ABCB1: variants seen among roughly 807,000 people sequenced by gnomAD.
ABCB1 encodes the protein ATP-dependent translocase ABCB1.
A neutral mutation model predicts 142.0 loss-of-function variants in ABCB1; 69 were observed. The observed-to-expected ratio is 0.49, with a 90% CI of 0.40 to 0.59. The LOEUF (loss-of-function observed/expected upper bound fraction) is 0.59, where lower values mean the gene tolerates loss of function less well. Ranked by LOEUF, ABCB1 falls within the 20% of genes least tolerant of loss-of-function variation. The probability of loss-of-function intolerance (pLI) is 0.00; values close to 1 mark genes in which losing one functional copy is unlikely to be tolerated. For missense variants in ABCB1, 1,326 were observed against 1,554.7 expected (o/e 0.85, Z 2.47); for synonymous variants, 532 against 539.2 (o/e 0.99, Z 0.18).
chr7:87,628,963 G>T (rs2130165952), intron 1 of ABCB1: 1 of 1,308,062 alleles, frequency 7.6e-7, no homozygotes, highest in African/African-American at 1.5e-5. Flanking sequence ...AGCGCAGGGC[G>T]AGGGGAACCA....
chr7:87,653,492 A>G (rs1469369859), intron 1 of ABCB1, among the ~76,000 whole-genome samples: 6 of 152,060 alleles, frequency 3.9e-5, no homozygotes, highest in African/African-American at 1.4e-4. Flanking sequence ...AATCTACTCA[A>G]CAGTATTTCT....
chr7:87,514,690 A>C (rs1454031253), intron 25 of ABCB1, among the ~76,000 whole-genome samples: 1 of 152,012 alleles, frequency 6.6e-6, no homozygotes, highest in South Asian at 2.1e-4. Flanking sequence ...GCTCACTTAC[A>C]TCTCCATTTC....
chr7:87,526,210 A>C (rs1815778482), intron 21 of ABCB1, among the ~76,000 whole-genome samples: 1 of 142,124 alleles, frequency 7.0e-6, no homozygotes, highest in Non-Finnish European at 1.5e-5. Flanking sequence ...GGTTTCCTTG[A>C]TTGGCTCTGT....
intron 1 of ABCB1, among the ~76,000 whole-genome samples, chr7:87,686,865 A>T (rs1827514563): frequency 6.6e-6 from 1 of 151,248 alleles, no homozygotes; most frequent in African/African-American, 2.4e-5. Context: ...GGGTCACCTG[A>T]GCCCAAGGAG....
intron 1 of ABCB1, chr7:87,709,450 T>G: frequency 1.0e-6 from 1 of 985,396 alleles, no homozygotes; most frequent in Non-Finnish European, 1.2e-6. Flanking sequence ...TCCCCTAGGC[T>G]TACTCAGAAG....
At chr7:87,521,450 C>A (rs1242958914) in intron 21 of ABCB1, 1 of 705,388 alleles carries the variant, frequency 1.4e-6, no homozygotes, top group Non-Finnish European at 2.6e-6. Flanking sequence ...GTCTCTCTTT[C>A]CCCTGCCGTC....
intron 4 of ABCB1, among the ~76,000 whole-genome samples, chr7:87,579,498 T>A (rs1818418206): frequency 6.6e-6 from 1 of 152,250 alleles, no homozygotes; most frequent in Non-Finnish European, 1.5e-5. Context: ...TCTGTTGATA[T>A]GACATATCAC....
chr7:87,587,106 C>T lies in ABCB1; in HGVS notation c.118-1426G>A, dbSNP rs28381819. ...TATTTTTTCATATTTCATTGAAACA[C>T]TGGCTAAATTTTGCACTATGTACTT... On this transcript the variant is annotated intron_variant, in intron 3 of 27. Coordinates refer to ENST00000622132, the MANE Select transcript of ABCB1 (RefSeq NM_001348946.2). 4.8e-3 allele frequency among the ~76,000 whole-genome samples: 727 copies of T among 152,272 alleles called. 4 individuals are homozygous for T. The highest frequency in any genetic ancestry group is 0.017 in the African/African-American group (686 of 41,568).
At chr7:87,684,746 C>CAAAAAAAAAAAAAAAAAAAA (rs71524694) in intron 1 of ABCB1, among the ~76,000 whole-genome samples, 7 of 37,782 alleles carry the variant, frequency 1.9e-4, no homozygotes, top group Admixed American at 4.1e-4. Flanking sequence ...GACTCCGTCT[C>CAAAAAAAAAAAAAAAAAAAA]AAAAAAAAAA....
In ABCB1 at chr7:87,550,473, C is replaced by A. The variant is rs140214314; in HGVS notation, c.1219G>T (p.Val407Phe). Residue 407 changes from valine (V) to phenylalanine (F), a missense_variant, in exon 11 of 28, where the codon GTT becomes TTT. Coordinates refer to ENST00000622132, the MANE Select transcript of ABCB1 (RefSeq NM_001348946.2). ...VHFSYPSRKE[V>F]KILKGLNLKV... ...TTAATCATTTATCACTGTACCTTAA[C>A]TTCTTTTCGAGATGGGTAACTGAAG... 530 of 1,612,240 alleles carry A rather than the reference C, an allele frequency of 3.3e-4. No individual in the cohort carries two copies. The highest frequency in any genetic ancestry group is 4.2e-4 in the Non-Finnish European group (494 of 1,179,448).
intron 21 of ABCB1, among the ~76,000 whole-genome samples, chr7:87,522,621 T>A (rs1815564121): frequency 6.6e-6 from 1 of 152,216 alleles, no homozygotes; most frequent in South Asian, 2.1e-4. Flanking sequence ...TAACAGATTC[T>A]TTTAGTTTCT....
intron 1 of ABCB1, among the ~76,000 whole-genome samples, chr7:87,692,458 TAAAC>T (rs770322337): frequency 3.9e-5 from 6 of 152,180 alleles, no homozygotes; most frequent in Admixed American, 2.0e-4. Context: ...ACCTGTCTCT[TAAAC>T]AATCAAACAC....
intron 9 of ABCB1, among the ~76,000 whole-genome samples, chr7:87,553,520 C>G (rs942302870): frequency 1.3e-5 from 2 of 151,972 alleles, no homozygotes; most frequent in Non-Finnish European, 2.9e-5. Flanking sequence ...CGGGGTTTCA[C>G]CATGTTAGCC....
intron 1 of ABCB1, among the ~76,000 whole-genome samples, chr7:87,610,110 C>A (rs1267001064): frequency 1.3e-5 from 2 of 152,000 alleles, no homozygotes; most frequent in African/African-American, 4.8e-5. Flanking sequence ...GTAATTCTGC[C>A]AAATATTTGA....
At chr7:87,626,324 T>TATATATCTGTC (rs1820525801) in intron 1 of ABCB1, among the ~76,000 whole-genome samples, 3 of 35,454 alleles carry the variant, frequency 8.5e-5, no homozygotes, top group Admixed American at 3.8e-4. Flanking sequence ...ATATGTGTCA[T>TATATATCTGTC]ATATATGTGT....
Position 87,680,012 on chromosome 7 carries a change from G to A in ABCB1, c.-331+33149C>T, listed in dbSNP as rs1226803629. Among the ~76,000 whole-genome samples the A allele has an allele frequency of 2.0e-5, 3 of 150,446 alleles. 1 individual carries two copies. Among genetic ancestry groups the A allele is most frequent in the African/African-American group, 7.4e-5 (3 of 40,470 alleles). ...ACCTACATTAGGTATTTCTCCTAAT[G>A]TTATCCCTACCCTAGCCACCCACCC... On this transcript the variant is annotated intron_variant, in intron 1 of 28. Transcript: ENST00000265724.
chr7:87,706,904 G>A (rs1471366609), intron 1 of ABCB1, among the ~76,000 whole-genome samples: 1 of 152,210 alleles, frequency 6.6e-6, no homozygotes, highest in Non-Finnish European at 1.5e-5. Context: ...GCTGATTGAT[G>A]ATTTCACAGT....
intron 1 of ABCB1, among the ~76,000 whole-genome samples, chr7:87,615,112 C>A (rs1819992365): frequency 6.6e-6 from 1 of 152,190 alleles, no homozygotes; most frequent in Admixed American, 6.5e-5. Context: ...GATGGAATTA[C>A]AGGTGTGAGC....
At chr7:87,632,347 T>C (rs1821308072) in intron 1 of ABCB1, among the ~76,000 whole-genome samples, 1 of 152,216 alleles carries the variant, frequency 6.6e-6, no homozygotes, top group South Asian at 2.1e-4. Flanking sequence ...AAGAGCTGAA[T>C]TGAATTTTGG....
Sources: gnomAD v4.1 joint callset for allele counts (sites outside exome capture counted in the v4.1 genomes callset) on GRCh38, gnomAD v4.1.1 for gene constraint, MANE v1.5 for transcripts, NCBI Gene and HGNC (gene_info 2026-07-23, HGNC 2026-07-21) for gene names.